CDH4: variants seen among roughly 807,000 people sequenced by gnomAD.
CDH4 encodes cadherin 4.
Under a neutral mutation model 86.0 loss-of-function variants are expected in CDH4, and 33 were observed. That is an observed-to-expected ratio of 0.38 (90% CI 0.29 to 0.51). CDH4 has a LOEUF of 0.51. Ranked by LOEUF, CDH4 falls within the 20% of genes least tolerant of loss-of-function variation. The pLI is 0.86. For missense variants in CDH4, 1,114 were observed against 1,307.4 expected (o/e 0.85, Z 2.28); for synonymous variants, 555 against 549.4 (o/e 1.01, Z -0.14).
intron 2 of CDH4, among the ~76,000 whole-genome samples, chr20:61,564,655 C>G (rs1460918630): frequency 6.6e-6 from 1 of 152,190 alleles, no homozygotes; most frequent in African/African-American, 2.4e-5. Context: ...CAAAATAAAA[C>G]CTCTTTCTTT....
intron 2 of CDH4, among the ~76,000 whole-genome samples, chr20:61,264,211 G>A (rs2084143475): frequency 6.6e-6 from 1 of 152,148 alleles, no homozygotes. Flanking sequence ...CGCACACTAA[G>A]GACTTGCTAT....
chr20:61,820,805 A>G (rs1039689686), intron 4 of CDH4, among the ~76,000 whole-genome samples: 4 of 152,132 alleles, frequency 2.6e-5, no homozygotes, highest in African/African-American at 4.8e-5. Flanking sequence ...CTGACCTTCA[A>G]ACCTTCCCAG....
At chr20:61,354,756 C>T (rs1304192517) in intron 2 of CDH4, among the ~76,000 whole-genome samples, 1 of 152,210 alleles carries the variant, frequency 6.6e-6, no homozygotes, top group Non-Finnish European at 1.5e-5. Context: ...GTTGGCTTAT[C>T]GTCCCGGGGA....
At chr20:61,758,013 G>C (rs1049057751) in intron 3 of CDH4, among the ~76,000 whole-genome samples, 1 of 152,214 alleles carries the variant, frequency 6.6e-6, no homozygotes, top group Non-Finnish European at 1.5e-5. Flanking sequence ...GGACACGACA[G>C]AGGACGCTGC....
intron 6 of CDH4, among the ~76,000 whole-genome samples, chr20:61,857,861 T>C (rs1983092427): frequency 6.6e-6 from 1 of 152,170 alleles, no homozygotes; most frequent in Non-Finnish European, 1.5e-5. Context: ...CCCACCCGTT[T>C]GACCTGCATT....
intron 6 of CDH4, among the ~76,000 whole-genome samples, chr20:61,864,186 G>GC (rs1361397093): frequency 5.9e-5 from 9 of 152,286 alleles, no homozygotes; most frequent in African/African-American, 2.2e-4. Flanking sequence ...GTTGGACGGT[G>GC]CCCCAACCCC....
At chr20:61,705,271 C>T (rs1216003145) in intron 2 of CDH4, among the ~76,000 whole-genome samples, 2 of 152,224 alleles carry the variant, frequency 1.3e-5, no homozygotes, top group Non-Finnish European at 2.9e-5. Context: ...ATGAAATGAA[C>T]AGAATGTCAC....
At chr20:61,390,724 G>C (rs1368242114) in intron 2 of CDH4, among the ~76,000 whole-genome samples, 1 of 149,774 alleles carries the variant, frequency 6.7e-6, no homozygotes, top group Non-Finnish European at 1.5e-5. Context: ...GGGAGACCCC[G>C]ATTGAGATCG....
At chr20:61,611,303 G>A (rs1285502337) in intron 2 of CDH4, among the ~76,000 whole-genome samples, 1 of 152,084 alleles carries the variant, frequency 6.6e-6, no homozygotes, top group Non-Finnish European at 1.5e-5. Flanking sequence ...ATATACAGGG[G>A]TCCACCCTAA....
At chr20:61,412,756 T>G (rs1167242277) in intron 2 of CDH4, among the ~76,000 whole-genome samples, 1 of 152,190 alleles carries the variant, frequency 6.6e-6, no homozygotes, top group Non-Finnish European at 1.5e-5. Context: ...TCCGGCCTCA[T>G]GGACATCTTG....
intron 4 of CDH4, among the ~76,000 whole-genome samples, chr20:61,813,946 C>T (rs554402777): frequency 6.6e-6 from 1 of 152,206 alleles, no homozygotes; most frequent in African/African-American, 2.4e-5. Context: ...AGGGTCTCCC[C>T]AGCCCAATAT....
At chr20:61,936,517 T>A (rs1469125656) in intron 15 of CDH4, among the ~76,000 whole-genome samples, 1 of 143,516 alleles carries the variant, frequency 7.0e-6, no homozygotes, top group Non-Finnish European at 1.5e-5. Flanking sequence ...GCTGCTGGAT[T>A]TGAGTTTGCC....
At chr20:61,788,619 C>G (rs1433589048) in intron 4 of CDH4, among the ~76,000 whole-genome samples, 2 of 152,206 alleles carry the variant, frequency 1.3e-5, no homozygotes, top group African/African-American at 4.8e-5. Context: ...TTCCTGCTGA[C>G]AGCAGTCCTG....
chr20:61,449,890 T>C (rs911111795), intron 2 of CDH4, among the ~76,000 whole-genome samples: 2 of 152,238 alleles, frequency 1.3e-5, no homozygotes, highest in Non-Finnish European at 2.9e-5. Context: ...CATAACCAAG[T>C]TGGAAAATAT....
Position 61,603,034 on chromosome 20 carries a change from C to T in CDH4, c.170-140529C>T, listed in dbSNP as rs141390606. 1.1e-4 allele frequency among the ~76,000 whole-genome samples: 16 copies of T among 152,338 alleles called. No homozygotes were observed. In the East Asian group the frequency reaches 1.9e-3, roughly 18 times the overall value. ...TAAGCAACCATTTTGCACCTTATACCGTGCAAGGCACTAAGGATACACGTT... is the reference window on the plus strand; with the variant it reads ...TAAGCAACCATTTTGCACCTTATACTGTGCAAGGCACTAAGGATACACGTT... On this transcript the variant is annotated intron_variant, in intron 2 of 15. Transcript: ENST00000614565.
chr20:61,771,621 CAAAAAAAA>C (rs71331929), intron 3 of CDH4, among the ~76,000 whole-genome samples: 2 of 110,096 alleles, frequency 1.8e-5, no homozygotes, highest in Admixed American at 9.1e-5. Context: ...GACTCCATCT[CAAAAAAAA>C]AAAAAAAAAG....
chr20:61,710,613 G>A (rs753763758), intron 2 of CDH4, among the ~76,000 whole-genome samples: 3 of 152,216 alleles, frequency 2.0e-5, no homozygotes, highest in Non-Finnish European at 4.4e-5. Flanking sequence ...GGCTGCAAAG[G>A]TGATGGCCTC....
At chr20:61,743,529 A>G (rs1487864962) in intron 2 of CDH4, 34 bp from the exon 3 acceptor site, 1 of 1,533,004 alleles carries the variant, frequency 6.5e-7, no homozygotes, top group African/African-American at 1.4e-5. Flanking sequence ...CTGCTGGCCA[A>G]GCCGACCCTG....
intron 3 of CDH4, among the ~76,000 whole-genome samples, chr20:61,746,265 T>C (rs1045309845): frequency 1.3e-5 from 2 of 152,224 alleles, no homozygotes; most frequent in African/African-American, 4.8e-5. Context: ...ATGGGGTCAC[T>C]GTGGGGCACA....
Sources: allele counts gnomAD v4.1 joint callset (sites outside exome capture counted in the v4.1 genomes callset), GRCh38; gene constraint gnomAD v4.1.1; transcripts MANE v1.5; gene names NCBI Gene and HGNC (gene_info 2026-07-23, HGNC 2026-07-21).